The following FRYL variants were observed in gnomAD, a reference collection of about 807,000 sequenced individuals.
The protein encoded by FRYL is FRY like transcription coactivator, also known as protein furry homolog-like.
Under a neutral mutation model 351.2 loss-of-function variants are expected in FRYL, and 150 were observed. The observed-to-expected ratio is 0.43, with a 90% CI of 0.37 to 0.49. FRYL has a LOEUF of 0.49. FRYL is among the 20% of genes least tolerant of loss of function. FRYL has a pLI of 0.00. For synonymous variants in FRYL, 1,153 were observed against 1,257.1 expected (o/e 0.92, Z 1.75); for missense variants, 3,036 against 3,619.3 (o/e 0.84, Z 4.13).
chr4:48,690,149 C>A (rs918230515), intron 2 of FRYL, among the ~76,000 whole-genome samples: 61 of 151,992 alleles, frequency 4.0e-4, no homozygotes, highest in African/African-American at 1.4e-3. Context: ...TCGTGATCTG[C>A]CTGCCTCGGC....
At chr4:48,586,457 C>T (rs1488961928) in intron 19 of FRYL, among the ~76,000 whole-genome samples, 164 bp downstream of exon 19, 1 of 151,380 alleles carries the variant, frequency 6.6e-6, no homozygotes, top group South Asian at 2.1e-4. Flanking sequence ...ATGTGTTTAA[C>T]AACAACAAAA....
intron 55 of FRYL, among the ~76,000 whole-genome samples, chr4:48,518,076 T>C (rs1053939585): frequency 2.6e-5 from 4 of 152,352 alleles, no homozygotes; most frequent in Non-Finnish European, 5.9e-5. Context: ...GCCATTCTTT[T>C]GGTGACAGTT....
chr4:48,653,890 C>G, intron 3 of FRYL: 1 of 1,265,232 alleles, frequency 7.9e-7, no homozygotes, highest in Non-Finnish European at 1.0e-6. Flanking sequence ...GCCGCTGTCC[C>G]TTCTCTTCTC....
At chr4:48,609,882 T>C in intron 7 of FRYL, 59 bp from the exon 8 acceptor site, 1 of 796,772 alleles carries the variant, frequency 1.3e-6, no homozygotes, top group Non-Finnish European at 2.0e-6. Context: ...ATGAGTATTC[T>C]CATCAATTCA....
rs761602739 is a variant in FRYL, at chr4:48,682,981, C to T, written c.-81+1692G>A. On this transcript the variant is annotated intron_variant, in intron 3 of 63. Coordinates refer to ENST00000358350, the MANE Select transcript of FRYL (RefSeq NM_015030.2). ...GACTCATGCACACGTATGTATATTG[C>T]GGCACTGTTCACAATAGCAAAGACT... 9.9e-5 allele frequency among the ~76,000 whole-genome samples: 15 copies of T among 152,204 alleles called. 3 individuals are homozygous for T. The highest frequency in any genetic ancestry group is 1.0e-4 in the Non-Finnish European group (7 of 68,014).
At chr4:48,655,839 CTATATA>C (rs976063059) in intron 3 of FRYL, among the ~76,000 whole-genome samples, 11 of 141,412 alleles carry the variant, frequency 7.8e-5, no homozygotes, top group African/African-American at 2.3e-4. Flanking sequence ...ATTATATATA[CTATATA>C]TAATGTATTA....
chr4:48,742,808 T>G (rs964388708), intron 1 of FRYL, among the ~76,000 whole-genome samples: 2 of 151,500 alleles, frequency 1.3e-5, no homozygotes, highest in African/African-American at 4.9e-5. Context: ...TAATCTGAGA[T>G]TTTTTGTTGT....
intron 50 of FRYL, among the ~76,000 whole-genome samples, chr4:48,529,222 C>A (rs1207270278): frequency 6.6e-6 from 1 of 152,148 alleles, no homozygotes; most frequent in African/African-American, 2.4e-5. Context: ...CTACCACCAC[C>A]ACCTCTGTGT....
chr4:48,643,734 G>A (rs1042463282), intron 3 of FRYL, among the ~76,000 whole-genome samples: 3 of 152,000 alleles, frequency 2.0e-5, no homozygotes, highest in African/African-American at 4.8e-5. Flanking sequence ...GATTTTAAAA[G>A]ACCTTCTATT....
intron 1 of FRYL, among the ~76,000 whole-genome samples, chr4:48,711,094 C>T (rs1158130944): frequency 2.0e-5 from 3 of 152,114 alleles, no homozygotes; most frequent in Admixed American, 6.5e-5. Flanking sequence ...GCCAAGATGG[C>T]CGAATAGGAA....
At chr4:48,677,711 G>A (rs114860928) in intron 3 of FRYL, among the ~76,000 whole-genome samples, 4,055 of 152,066 alleles carry the variant, frequency 0.027, 68 homozygotes, top group Admixed American at 0.046. Flanking sequence ...GCGTCAGCCC[G>A]AAAAAATAAC....
Position 48,535,782 on chromosome 4 carries a change from T to C in FRYL, c.6439A>G (p.Met2147Val), listed in dbSNP as rs200951504. ...GTGTGTGTACTGTACAAACTCATCATGTGTGCCAGATTGACAAGTGTTGGG... is the reference window on the plus strand; with the variant it reads ...GTGTGTGTACTGTACAAACTCATCACGTGTGCCAGATTGACAAGTGTTGGG... ...KCPTLVNLAH[M>V]MSLYSTHTYS... The change falls in exon 48 of 64, where the codon ATG becomes GTG. Residue 2147 changes from methionine (M) to valine (V), a missense_variant. Transcript: ENST00000358350. The C allele has an allele frequency of 3.8e-6, 6 of 1,576,426 alleles. No homozygotes were observed. Among genetic ancestry groups the C allele is most frequent in the Non-Finnish European group, 5.2e-6 (6 of 1,158,364 alleles).
intron 55 of FRYL, 90 bp from the exon 56 acceptor site, chr4:48,515,365 CTGTTT>C: frequency 1.0e-6 from 1 of 975,290 alleles, no homozygotes; most frequent in South Asian, 1.7e-5. Flanking sequence ...CCATCTAAGT[CTGTTT>C]TATTAAGTGG....
intron 22 of FRYL, 83 bp downstream of exon 22, chr4:48,580,782 A>C: frequency 1.2e-6 from 1 of 827,456 alleles, no homozygotes; most frequent in South Asian, 1.6e-5. Context: ...AAGTTATTTT[A>C]TGTATGCACA....
chr4:48,612,181 T>A (rs911576714), intron 7 of FRYL, among the ~76,000 whole-genome samples: 1 of 152,174 alleles, frequency 6.6e-6, no homozygotes, highest in Non-Finnish European at 1.5e-5. Flanking sequence ...GTCACTACTC[T>A]ACAACTTATC....
At chr4:48,670,214 A>C (rs1222064658) in intron 3 of FRYL, among the ~76,000 whole-genome samples, 1 of 151,944 alleles carries the variant, frequency 6.6e-6, no homozygotes, top group Non-Finnish European at 1.5e-5. Context: ...TGGGTGGATC[A>C]CTTGAGGTCA....
chr4:48,551,622 G>T, intron 36 of FRYL, 44 bp from the exon 37 acceptor site: 1 of 1,182,018 alleles, frequency 8.5e-7, no homozygotes, highest in Non-Finnish European at 1.3e-6. Flanking sequence ...TACAAACCTG[G>T]AATAACCCAA....
chr4:48,586,207 A>G (rs1006985797), intron 19 of FRYL, among the ~76,000 whole-genome samples: 1 of 152,186 alleles, frequency 6.6e-6, no homozygotes, highest in Non-Finnish European at 1.5e-5. Flanking sequence ...ATAGGGGGAA[A>G]AAAAAGCACA....
chr4:48,684,103 G>A (rs1011741078), intron 3 of FRYL, among the ~76,000 whole-genome samples: 1 of 152,170 alleles, frequency 6.6e-6, no homozygotes, highest in Non-Finnish European at 1.5e-5. Context: ...AGGTAATAGG[G>A]ATAGGATTAG....
Sources: allele counts gnomAD v4.1 joint callset (sites outside exome capture counted in the v4.1 genomes callset), GRCh38; gene constraint gnomAD v4.1.1; transcripts MANE v1.5; gene names NCBI Gene and HGNC (gene_info 2026-07-23, HGNC 2026-07-21).